SYT9: variants seen among roughly 807,000 people sequenced by gnomAD.
SYT9 encodes synaptotagmin 9.
SYT9 carries 22 observed loss-of-function variants against 48.4 expected under a neutral mutation model. The observed-to-expected ratio is 0.45, with a 90% CI of 0.32 to 0.65. SYT9 has a LOEUF of 0.65. SYT9 is among the 30% of genes least tolerant of loss of function. The probability of loss-of-function intolerance (pLI) is 0.03; values close to 1 mark genes in which losing one functional copy is unlikely to be tolerated. For missense variants in SYT9, 577 were observed against 622.0 expected, an observed-to-expected ratio of 0.93 and a Z score of 0.77; for synonymous variants, 265 against 245.0, an observed-to-expected ratio of 1.08 and a Z score of -0.76.
intron 1 of SYT9, among the ~76,000 whole-genome samples, chr11:7,239,105 A>C (rs911864196): frequency 6.6e-6 from 1 of 152,140 alleles, no homozygotes; most frequent in Non-Finnish European, 1.5e-5. Flanking sequence ...ATTTTGTTTA[A>C]ACTATCTAGT....
chr11:7,278,633 A>ATATAAC (rs1369022019), intron 1 of SYT9, among the ~76,000 whole-genome samples: 2 of 152,318 alleles, frequency 1.3e-5, no homozygotes, highest in East Asian at 3.9e-4. Flanking sequence ...ATTTAGTTGA[A>ATATAAC]TATAACTGTT....
At chr11:7,307,158 A>G (rs10500690) in intron 2 of SYT9, among the ~76,000 whole-genome samples, 12,074 of 152,286 alleles carry the variant, frequency 0.079, 848 homozygotes, top group East Asian at 0.21. Flanking sequence ...AGAGTTACAG[A>G]AATATGCTGA....
intron 3 of SYT9, among the ~76,000 whole-genome samples, chr11:7,339,971 C>T (rs1393691397): frequency 1.3e-5 from 2 of 152,196 alleles, no homozygotes; most frequent in African/African-American, 2.4e-5. Flanking sequence ...TTTGCTTTCT[C>T]CTCATACCTT....
chr11:7,309,811 G>A (rs929389792), intron 2 of SYT9, among the ~76,000 whole-genome samples: 2 of 152,152 alleles, frequency 1.3e-5, no homozygotes, highest in Admixed American at 1.3e-4. Flanking sequence ...GAGGTTATGA[G>A]TTACCCTGGT....
chr11:7,306,366 A>G (rs1187510583), intron 2 of SYT9, among the ~76,000 whole-genome samples: 2 of 152,164 alleles, frequency 1.3e-5, no homozygotes, highest in African/African-American at 2.4e-5. Context: ...CAAAAATTTC[A>G]ATTACCACAC....
At chr11:7,401,028 T>G (rs1846879753) in intron 3 of SYT9, among the ~76,000 whole-genome samples, 1 of 152,088 alleles carries the variant, frequency 6.6e-6, no homozygotes, top group South Asian at 2.1e-4. Context: ...TATTATTTAT[T>G]TGTGAATAAA....
At chr11:7,445,374 G>C (rs994137534) in intron 6 of SYT9, among the ~76,000 whole-genome samples, 3 of 152,158 alleles carry the variant, frequency 2.0e-5, no homozygotes, top group Non-Finnish European at 2.9e-5. Context: ...GGGCTTCACT[G>C]TCCAGCCTTG....
rs1374741206 is a variant in SYT9 at position 7,252,415 on chromosome 11, C to G, written c.145+84C>G. On this transcript the variant is annotated intron_variant, in intron 1 of 6. Coordinates refer to ENST00000318881, the MANE Select transcript of SYT9 (RefSeq NM_175733.4). The surrounding 1 kb of genome is among the most constrained non-coding windows in gnomAD (Gnocchi z 6.3). ...CGCACCGGGGCCTGAGGCAGAACAG[C>G]GACGCGGACTGGGAGAGGGCGGGGG... 12 of 1,319,136 alleles carry G rather than the reference C, an allele frequency of 9.1e-6. No individual in the cohort carries two copies. The highest frequency in any genetic ancestry group is 1.2e-5 in the Non-Finnish European group (12 of 1,030,694). 81.7% of individuals were successfully genotyped at this position (1,319,136 alleles called of 1,614,324 possible). A position where few individuals can be genotyped will look rare whatever the true frequency, so the allele number is the denominator to read the frequency against.
intron 3 of SYT9, among the ~76,000 whole-genome samples, chr11:7,393,798 A>G (rs910702782): frequency 2.8e-4 from 42 of 150,954 alleles, no homozygotes; most frequent in Non-Finnish European, 5.9e-5. Context: ...CAGGTTTTCA[A>G]TTTCTTCCTG....
chr11:7,431,269 T>G (rs891786321), intron 6 of SYT9, among the ~76,000 whole-genome samples: 2 of 152,188 alleles, frequency 1.3e-5, no homozygotes, highest in Non-Finnish European at 2.9e-5. Flanking sequence ...TTGTGGGAGT[T>G]TGCACATGAG....
At position 7,303,027 on chromosome 11, in the gene SYT9, G is replaced by T. The variant is rs1422335910; in HGVS notation, c.146-12G>T. 9 of 1,611,840 alleles carry T rather than the reference G, an allele frequency of 5.6e-6. No homozygotes were observed. The highest frequency in any genetic ancestry group is 7.6e-6 in the Non-Finnish European group (9 of 1,178,134). ...ATGACCACACTGACCTTTGATCTTT[G>T]CTTCTTTGCAGATATCTCAGTGAGC... On this transcript the variant is annotated splice_polypyrimidine_tract_variant and intron_variant, in intron 1 of 6. Coordinates refer to ENST00000318881, the MANE Select transcript of SYT9 (RefSeq NM_175733.4).
At chr11:7,460,595 A>G (rs114853233) in intron 6 of SYT9, among the ~76,000 whole-genome samples, 233 of 152,290 alleles carry the variant, frequency 1.5e-3, no homozygotes, top group African/African-American at 5.4e-3. Context: ...ATATCTTAAA[A>G]ATAAGCTTTA....
intron 1 of SYT9, among the ~76,000 whole-genome samples, chr11:7,269,949 GAGA>G (rs1286842722): frequency 6.6e-6 from 1 of 152,144 alleles, no homozygotes; most frequent in African/African-American, 2.4e-5. Flanking sequence ...GACAGATTCT[GAGA>G]AGCACAACAG....
chr11:7,302,594 G>A (rs938604660), intron 1 of SYT9, among the ~76,000 whole-genome samples: 1 of 152,174 alleles, frequency 6.6e-6, no homozygotes. Flanking sequence ...ATTTTAAAAA[G>A]TTATGACTTA....
At chr11:7,298,065 C>G (rs1056263104) in intron 1 of SYT9, among the ~76,000 whole-genome samples, 1 of 152,040 alleles carries the variant, frequency 6.6e-6, no homozygotes, top group African/African-American at 2.4e-5. Flanking sequence ...TTCTAGGGGA[C>G]TTTGTTTTTT....
At chr11:7,455,206 A>G (rs1848128002) in intron 6 of SYT9, among the ~76,000 whole-genome samples, 1 of 2,634 alleles carries the variant, frequency 3.8e-4, no homozygotes. Flanking sequence ...TTTCACTGAG[A>G]AAAAAAAAGC....
intron 3 of SYT9, among the ~76,000 whole-genome samples, chr11:7,367,748 A>G (rs965181384): frequency 6.0e-5 from 9 of 150,826 alleles, no homozygotes; most frequent in African/African-American, 1.9e-4. Context: ...ATTCAGATAC[A>G]AAATGTTTTT....
At chr11:7,364,220 GGAA>G (rs1231822703) in intron 3 of SYT9, among the ~76,000 whole-genome samples, 7 of 152,286 alleles carry the variant, frequency 4.6e-5, no homozygotes, top group South Asian at 2.1e-4. Context: ...TCCCAACATT[GGAA>G]GAAGGATAAA....
chr11:7,298,053 G>A (rs914452182), intron 1 of SYT9, among the ~76,000 whole-genome samples: 3 of 152,000 alleles, frequency 2.0e-5, no homozygotes, highest in African/African-American at 4.8e-5. Context: ...GTTGTCCTTC[G>A]GTTCTAGGGG....
Sources: gnomAD v4.1 joint callset for allele counts (sites outside exome capture counted in the v4.1 genomes callset) on GRCh38, gnomAD v4.1.1 for gene constraint, Gnocchi (gnomAD v3.1) non-coding constraint, MANE v1.5 for transcripts, NCBI Gene and HGNC (gene_info 2026-07-23, HGNC 2026-07-21) for gene names.